Variants in NRXN3 observed in about 807,000 individuals in gnomAD.
NRXN3 encodes the protein neurexin III.
Under a neutral mutation model 137.6 loss-of-function variants are expected in NRXN3, and 32 were observed. That is an observed-to-expected ratio of 0.23 (90% CI 0.18 to 0.31). The LOEUF is 0.31. Among genes scored for constraint, NRXN3 ranks in the 10% least tolerant of loss-of-function variants. NRXN3 has a pLI of 1.00. For missense variants in NRXN3, 1,574 were observed against 2,062.5 expected (o/e 0.76, Z 4.59); for synonymous variants, 798 against 784.5 (o/e 1.02, Z -0.29).
chr14:78,898,358 G>T (rs574558716), intron 10 of NRXN3, among the ~76,000 whole-genome samples: 1 of 151,870 alleles, frequency 6.6e-6, no homozygotes, highest in Non-Finnish European at 1.5e-5. Context: ...CTGAAATGTG[G>T]TTAAATTTCC....
intron 15 of NRXN3, among the ~76,000 whole-genome samples, chr14:79,029,487 T>C (rs892427530): frequency 2.6e-5 from 4 of 152,292 alleles, no homozygotes; most frequent in Middle Eastern, 3.4e-3. Flanking sequence ...CTTTATTCTG[T>C]TTCAGGAATG....
intron 16 of NRXN3, among the ~76,000 whole-genome samples, chr14:79,598,567 T>C (rs963910298): frequency 1.3e-5 from 2 of 152,182 alleles, no homozygotes; most frequent in Admixed American, 6.5e-5. Context: ...ATGTTACTAA[T>C]AGCTGTGGAA....
At chr14:78,289,195 T>A (rs1233147264) in intron 3 of NRXN3, among the ~76,000 whole-genome samples, 1 of 152,216 alleles carries the variant, frequency 6.6e-6, no homozygotes, top group Non-Finnish European at 1.5e-5. Context: ...ATCCTGTATG[T>A]AAATCCTATA....
At chr14:78,455,891 C>G (rs538413725) in intron 4 of NRXN3, among the ~76,000 whole-genome samples, 24 of 152,190 alleles carry the variant, frequency 1.6e-4, no homozygotes, top group Non-Finnish European at 2.9e-4. Context: ...AGACTTTGCT[C>G]TCTAAATATT....
chr14:78,747,491 A>T (rs2098615630), intron 8 of NRXN3, among the ~76,000 whole-genome samples: 1 of 152,186 alleles, frequency 6.6e-6, no homozygotes, highest in African/African-American at 2.4e-5. Context: ...TTCTTATTTC[A>T]CGTGCTTTAG....
chr14:79,425,137 CT>C (rs1220042200), intron 15 of NRXN3, among the ~76,000 whole-genome samples: 2 of 152,074 alleles, frequency 1.3e-5, no homozygotes, highest in Non-Finnish European at 2.9e-5. Context: ...CCCTTTGGGA[CT>C]TTTAACTCCC....
At chr14:79,264,908 G>A (rs1317995380) in intron 15 of NRXN3, among the ~76,000 whole-genome samples, 5 of 151,686 alleles carry the variant, frequency 3.3e-5, no homozygotes, top group African/African-American at 9.7e-5. Context: ...CTTACTAAAG[G>A]GGAAACTGTT....
Position 79,412,782 on chromosome 14 carries a change from CAAAAAAAA to C in NRXN3, c.3263-54421_3263-54414del, listed in dbSNP as rs71103803. ...TGGGTGACAGAGCAAGACTCTGTCT[CAAAAAAAA>C]AAAAAAAAAAAAAAAAAGGCTGAGA... On this transcript the variant is annotated intron_variant, in intron 15 of 20. Coordinates refer to ENST00000335750, the MANE Select transcript of NRXN3 (RefSeq NM_001330195.2). Among the ~76,000 whole-genome samples the C allele has an allele frequency of 2.7e-4, 16 of 59,738 alleles. No individual in the cohort carries two copies. The South Asian group carries it at 0.013, about 50-fold the overall frequency. 39.2% of individuals were successfully genotyped at this position (59,738 alleles called of 152,430 possible).
rs1237136454 is a variant in NRXN3 at position 78,644,455 on chromosome 14, C to G, written c.758-665C>G. ...GTCTTCAAAACAGGATACCCTAGAG[C>G]AGAGAGTCTTGAGTTTAACAGTGGT... On this transcript the variant is annotated intron_variant, in intron 4 of 20. Coordinates refer to ENST00000335750, the MANE Select transcript of NRXN3 (RefSeq NM_001330195.2). Among the ~76,000 whole-genome samples the G allele has an allele frequency of 3.3e-5, 5 of 152,236 alleles. No individual in the cohort carries two copies. The East Asian group carries it at 9.7e-4, about 29-fold the overall frequency.
chr14:79,323,824 C>T (rs1280104053), intron 15 of NRXN3, among the ~76,000 whole-genome samples: 3 of 151,908 alleles, frequency 2.0e-5, no homozygotes, highest in Non-Finnish European at 4.4e-5. Context: ...CGCCACTGCA[C>T]TACAGCCTGG....
chr14:78,976,744 C>T (rs770319538), intron 14 of NRXN3, among the ~76,000 whole-genome samples: 85 of 152,272 alleles, frequency 5.6e-4, no homozygotes, highest in African/African-American at 1.8e-3. Flanking sequence ...CCACATTATA[C>T]GAGAGAGGCG....
intron 10 of NRXN3, among the ~76,000 whole-genome samples, chr14:78,878,609 T>A (rs980314350): frequency 1.3e-5 from 2 of 152,222 alleles, no homozygotes; most frequent in African/African-American, 4.8e-5. Flanking sequence ...AATATACTTA[T>A]GGTGTACAAT....
intron 15 of NRXN3, among the ~76,000 whole-genome samples, chr14:79,378,239 C>T (rs1316157821): frequency 6.6e-6 from 1 of 152,062 alleles, no homozygotes; most frequent in Non-Finnish European, 1.5e-5. Context: ...CAAGTGTTCT[C>T]CTGAGAAAAT....
intron 4 of NRXN3, among the ~76,000 whole-genome samples, chr14:78,589,238 A>G (rs913606697): frequency 6.6e-6 from 1 of 152,162 alleles, no homozygotes; most frequent in Non-Finnish European, 1.5e-5. Flanking sequence ...AAGCTCTGCA[A>G]AAGCCTACCA....
At chr14:78,538,617 C>A (rs1232643506) in intron 4 of NRXN3, among the ~76,000 whole-genome samples, 1 of 152,188 alleles carries the variant, frequency 6.6e-6, no homozygotes, top group Non-Finnish European at 1.5e-5. Context: ...CTTTCTCCTG[C>A]CTGATTGCCC....
chr14:79,218,667 C>G (rs1339994999), intron 15 of NRXN3, among the ~76,000 whole-genome samples: 1 of 152,072 alleles, frequency 6.6e-6, no homozygotes, highest in African/African-American at 2.4e-5. Context: ...ACATCTAAGT[C>G]AGAGAATTGT....
intron 19 of NRXN3, among the ~76,000 whole-genome samples, chr14:79,708,993 GAGAGAGAC>G (rs1291310051): frequency 1.1e-4 from 17 of 152,084 alleles, no homozygotes; most frequent in South Asian, 4.1e-4. Flanking sequence ...GAGAGAGAGA[GAGAGAGAC>G]AGGGAGAGAG....
intron 16 of NRXN3, among the ~76,000 whole-genome samples, chr14:79,615,395 A>G (rs1349061409): frequency 2.6e-5 from 4 of 152,178 alleles, no homozygotes; most frequent in African/African-American, 9.6e-5. Flanking sequence ...CTAGGAGTTC[A>G]TTAGACATAG....
intron 2 of NRXN3, among the ~76,000 whole-genome samples, chr14:78,248,166 C>T (rs1191154558): frequency 2.6e-5 from 4 of 152,212 alleles, no homozygotes; most frequent in South Asian, 2.1e-4. Flanking sequence ...CGGTTTGTCT[C>T]GATACTTAGC....
Sources: allele counts gnomAD v4.1 joint callset (sites outside exome capture counted in the v4.1 genomes callset), GRCh38; gene constraint gnomAD v4.1.1; transcripts MANE v1.5; gene names NCBI Gene and HGNC (gene_info 2026-07-23, HGNC 2026-07-21).